The following HECW1 variants were observed in gnomAD, a reference collection of about 807,000 sequenced individuals.
HECW1 encodes the protein HECT, C2 and WW domain containing E3 ubiquitin protein ligase 1.
A neutral mutation model predicts 182.3 loss-of-function variants in HECW1; 61 were observed. That is an observed-to-expected ratio of 0.33 (90% confidence interval 0.27 to 0.41). The LOEUF is 0.41. Among genes scored for constraint, HECW1 ranks in the 10% least tolerant of loss-of-function variants. The pLI is 1.00. For synonymous variants in HECW1, 859 were observed against 832.6 expected (o/e 1.03, Z -0.55); for missense variants, 1,739 against 2,108.9 (o/e 0.82, Z 3.44).
chr7:43,169,144 G>A (rs1378065777), intron 2 of HECW1, among the ~76,000 whole-genome samples: 1 of 152,124 alleles, frequency 6.6e-6, no homozygotes, highest in Non-Finnish European at 1.5e-5. Flanking sequence ...GGGATCATAT[G>A]CTATTCATTG....
chr7:43,138,085 A>G (rs1787763637), intron 2 of HECW1, among the ~76,000 whole-genome samples: 1 of 152,194 alleles, frequency 6.6e-6, no homozygotes, highest in African/African-American at 2.4e-5. Flanking sequence ...CAATAAATAG[A>G]TGCTATAAAA....
In HECW1 at chr7:43,564,387, A is replaced by G. The variant is rs2082282492; in HGVS notation, c.*2461A>G. 5.5e-6 allele frequency: 1 copy of G among 181,640 alleles called. No homozygotes were observed. Among genetic ancestry groups the G allele is most frequent in the Non-Finnish European group, 1.2e-5 (1 of 85,100 alleles). 11.3% of individuals were successfully genotyped at this position (181,640 alleles called of 1,614,324 possible). On this transcript the variant is annotated 3_prime_UTR_variant, in exon 30 of 30. Coordinates refer to ENST00000395891, the MANE Select transcript of HECW1 (RefSeq NM_015052.5). ...ATATAAATTACTAATTAATCTATTA[A>G]TTAGATTAATTAATATCTAATCTAC...
intron 2 of HECW1, among the ~76,000 whole-genome samples, chr7:43,216,334 C>T (rs545386303): frequency 2.6e-5 from 4 of 152,064 alleles, no homozygotes; most frequent in South Asian, 4.2e-4. Flanking sequence ...TTAGGAGAGA[C>T]GAGCTTTCAC....
chr7:43,560,781 TTTTG>T (rs1301630877), intron 29 of HECW1, among the ~76,000 whole-genome samples: 1 of 152,104 alleles, frequency 6.6e-6, no homozygotes, highest in African/African-American at 2.4e-5. Flanking sequence ...AAGAGTTTAG[TTTTG>T]TTTGTTTCTT....
intron 3 of HECW1, among the ~76,000 whole-genome samples, chr7:43,308,768 C>T: frequency 6.6e-6 from 1 of 152,024 alleles, no homozygotes; most frequent in Non-Finnish European, 1.5e-5. Context: ...ATTACAGGCA[C>T]CTGCCAACAC....
intron 21 of HECW1, among the ~76,000 whole-genome samples, chr7:43,501,642 C>A (rs1351369671): frequency 6.6e-6 from 1 of 151,994 alleles, no homozygotes; most frequent in African/African-American, 2.4e-5. Flanking sequence ...CCAGCCTGGG[C>A]AACATAGCGA....
intron 4 of HECW1, among the ~76,000 whole-genome samples, chr7:43,319,380 C>T (rs545984228): frequency 1.3e-5 from 1 of 74,856 alleles, no homozygotes; most frequent in African/African-American, 5.4e-5. Context: ...GGCGACAGAG[C>T]GAGACTCCGT....
chr7:43,291,525 A>T (rs1203567954), intron 3 of HECW1, among the ~76,000 whole-genome samples: 1 of 152,258 alleles, frequency 6.6e-6, no homozygotes, highest in Non-Finnish European at 1.5e-5. Flanking sequence ...ATTCCTTTAT[A>T]TTTAGCAGCT....
At chr7:43,181,420 C>G (rs2152676404) in intron 2 of HECW1, among the ~76,000 whole-genome samples, 1 of 151,104 alleles carries the variant, frequency 6.6e-6, no homozygotes. Flanking sequence ...AACCTCAACA[C>G]TGTTTTCCAT....
chr7:43,257,593 C>T (rs1800712561), intron 3 of HECW1, among the ~76,000 whole-genome samples: 1 of 152,040 alleles, frequency 6.6e-6, no homozygotes, highest in African/African-American at 2.4e-5. Context: ...ATCCTCTAGA[C>T]CAAGCAGACT....
chr7:43,405,255 A>T (rs1434680756), intron 7 of HECW1, among the ~76,000 whole-genome samples: 2 of 151,986 alleles, frequency 1.3e-5, no homozygotes, highest in Admixed American at 6.6e-5. Context: ...TGAATGTTTT[A>T]TATATATATG....
intron 29 of HECW1, among the ~76,000 whole-genome samples, chr7:43,556,294 C>T (rs966770146): frequency 2.0e-5 from 3 of 152,234 alleles, no homozygotes; most frequent in Middle Eastern, 3.4e-3. Flanking sequence ...AATGGCAGCA[C>T]GTGTTCAGGA....
At chr7:43,343,254 G>T (rs1813245146) in intron 5 of HECW1, among the ~76,000 whole-genome samples, 1 of 134,928 alleles carries the variant, frequency 7.4e-6, no homozygotes, top group African/African-American at 2.7e-5. Flanking sequence ...TGCAATGTCT[G>T]GGCAACAGTA....
At chr7:43,510,713 G>A (rs2079821225) in intron 24 of HECW1, among the ~76,000 whole-genome samples, 1 of 152,142 alleles carries the variant, frequency 6.6e-6, no homozygotes, top group African/African-American at 2.4e-5. Flanking sequence ...AGTGGGGAGT[G>A]GAGTCTGTGA....
At chr7:43,318,268 C>G (rs534694271) in intron 4 of HECW1, among the ~76,000 whole-genome samples, 1 of 152,286 alleles carries the variant, frequency 6.6e-6, no homozygotes, top group South Asian at 2.1e-4. Flanking sequence ...GGGTGTGAAA[C>G]TTGTTATATC....
chr7:43,244,653 C>T (rs1240853134), intron 3 of HECW1, among the ~76,000 whole-genome samples: 1 of 152,150 alleles, frequency 6.6e-6, no homozygotes, highest in African/African-American at 2.4e-5. Context: ...TGAGTGGCTG[C>T]TCTGAAGTCT....
rs768468130 is a variant in HECW1 at position 43,336,144 on chromosome 7, TTC to T, written c.460+15456_460+15457del. On this transcript the variant is annotated intron_variant, in intron 5 of 29. Transcript: ENST00000395891. ...TTTCTTTCTCTCTCTCTCTCTCTCT[TTC>T]TCTCTCTCTCTCTCTCTCTCTCTCT... is the stretch of plus-strand genomic sequence containing the variant. Among the ~76,000 whole-genome samples the T allele has an allele frequency of 9.9e-3, 517 of 51,960 alleles. 4 individuals are homozygous for T. Among genetic ancestry groups the T allele is most frequent in the Non-Finnish European group, 0.013 (364 of 27,194 alleles). The allele number at this position is 51,960 out of a possible 152,430, so 34.1% of individuals were successfully genotyped here. A position where few individuals can be genotyped will look rare whatever the true frequency, so the allele number is the denominator to read the frequency against.
chr7:43,474,312 G>A (rs1054463498), intron 16 of HECW1, among the ~76,000 whole-genome samples: 1 of 152,124 alleles, frequency 6.6e-6, no homozygotes, highest in Non-Finnish European at 1.5e-5. Flanking sequence ...AGCTGGGCAT[G>A]GTGGCGGGTG....
At chr7:43,176,117 AG>A (rs1792217528) in intron 2 of HECW1, among the ~76,000 whole-genome samples, 1 of 152,224 alleles carries the variant, frequency 6.6e-6, no homozygotes, top group Admixed American at 6.5e-5. Context: ...GCAAATAAAA[AG>A]TGGCAAATAT....
Sources: gnomAD v4.1 joint callset for allele counts (sites outside exome capture counted in the v4.1 genomes callset) on GRCh38, gnomAD v4.1.1 for gene constraint, MANE v1.5 for transcripts, NCBI Gene and HGNC (gene_info 2026-07-23, HGNC 2026-07-21) for gene names.